CLSTN2: variants seen among roughly 807,000 people sequenced by gnomAD.
The protein encoded by CLSTN2 is calsyntenin-2.
A neutral mutation model predicts 101.2 loss-of-function variants in CLSTN2; 48 were observed. That is an observed-to-expected ratio of 0.47 (90% CI 0.38 to 0.60). CLSTN2 has a LOEUF of 0.60. Ranked by LOEUF, CLSTN2 falls within the 20% of genes least tolerant of loss-of-function variation. The pLI, the probability that CLSTN2 is intolerant of heterozygous loss-of-function variation, is 0.00. For missense variants in CLSTN2, 1,160 were observed against 1,238.2 expected (o/e 0.94, Z 0.95); for synonymous variants, 481 against 463.6 (o/e 1.04, Z -0.48).
intron 1 of CLSTN2, among the ~76,000 whole-genome samples, chr3:139,967,056 G>T (rs914400338): frequency 6.6e-6 from 1 of 152,200 alleles, no homozygotes; most frequent in Non-Finnish European, 1.5e-5. Context: ...TTAAGGTTAT[G>T]CCTGATAAAT....
chr3:140,080,066 T>C (rs897600550), intron 1 of CLSTN2, among the ~76,000 whole-genome samples: 16 of 152,190 alleles, frequency 1.1e-4, no homozygotes, highest in African/African-American at 3.9e-4. Context: ...GAACAAAATA[T>C]GTAATGTAGA....
intron 2 of CLSTN2, among the ~76,000 whole-genome samples, chr3:140,363,567 G>A (rs1339479484): frequency 1.3e-5 from 2 of 152,178 alleles, no homozygotes; most frequent in Non-Finnish European, 2.9e-5. Flanking sequence ...GGGTACCATG[G>A]CAGCTGACAG....
intron 1 of CLSTN2, among the ~76,000 whole-genome samples, chr3:139,953,219 T>C (rs868000738): frequency 2.0e-4 from 31 of 152,118 alleles, no homozygotes; most frequent in African/African-American, 7.0e-4. Context: ...CTCTATCATA[T>C]GGGCAGGGCA....
chr3:140,298,460 C>A (rs1460444296), intron 2 of CLSTN2, among the ~76,000 whole-genome samples: 1 of 152,196 alleles, frequency 6.6e-6, no homozygotes, highest in Non-Finnish European at 1.5e-5. Context: ...TGCTCACCAT[C>A]TAGAGAAAAA....
chr3:140,427,038 TGGTGG>T (rs2088572458), intron 5 of CLSTN2, among the ~76,000 whole-genome samples: 3 of 150,670 alleles, frequency 2.0e-5, no homozygotes, highest in African/African-American at 7.4e-5. Flanking sequence ...TAGCCAGGCA[TGGTGG>T]TGCATGCCTG....
At chr3:140,160,143 A>G (rs554820549) in intron 1 of CLSTN2, among the ~76,000 whole-genome samples, 1 of 152,240 alleles carries the variant, frequency 6.6e-6, no homozygotes. Context: ...CTGCACATAT[A>G]CCCCGTGTAT....
intron 1 of CLSTN2, among the ~76,000 whole-genome samples, chr3:140,071,962 T>A (rs1426223632): frequency 6.6e-6 from 1 of 152,246 alleles, no homozygotes; most frequent in Non-Finnish European, 1.5e-5. Context: ...TCAGATTTGC[T>A]GATTGGCAAA....
chr3:140,265,364 G>A (rs940574300), intron 2 of CLSTN2, among the ~76,000 whole-genome samples: 1 of 152,136 alleles, frequency 6.6e-6, no homozygotes. Context: ...TGGAGGCTTC[G>A]ACAGTAGTAG....
At chr3:140,101,948 T>C (rs2008973157) in intron 1 of CLSTN2, among the ~76,000 whole-genome samples, 1 of 152,108 alleles carries the variant, frequency 6.6e-6, no homozygotes, top group African/African-American at 2.4e-5. Flanking sequence ...ACAGGGATGT[T>C]TGGGGAACAT....
chr3:140,516,557 T>TTTTTTC (rs1433610076), intron 8 of CLSTN2, among the ~76,000 whole-genome samples: 1 of 151,970 alleles, frequency 6.6e-6, no homozygotes, highest in Admixed American at 6.6e-5. Flanking sequence ...GGCATTTTTT[T>TTTTTTC]TTTTCTTTTT....
intron 1 of CLSTN2, among the ~76,000 whole-genome samples, chr3:140,007,236 A>G (rs2006976443): frequency 6.6e-6 from 1 of 152,232 alleles, no homozygotes; most frequent in African/African-American, 2.4e-5. Flanking sequence ...AATAGCACTC[A>G]GAAAGCCCTG....
chr3:140,123,634 A>G (rs938585450), intron 1 of CLSTN2, among the ~76,000 whole-genome samples: 24 of 152,078 alleles, frequency 1.6e-4, no homozygotes, highest in African/African-American at 5.8e-4. Context: ...GGCTTAAATT[A>G]CTGAAATTTA....
chr3:140,509,514 T>C (rs563422980), intron 8 of CLSTN2, among the ~76,000 whole-genome samples: 1 of 152,312 alleles, frequency 6.6e-6, no homozygotes, highest in African/African-American at 2.4e-5. Context: ...GATGGACTGT[T>C]AAATGAGGCT....
chr3:140,001,824 T>C (rs115038149), intron 1 of CLSTN2, among the ~76,000 whole-genome samples: 1,716 of 152,110 alleles, frequency 0.011, 32 homozygotes, highest in African/African-American at 0.039. Flanking sequence ...TCTTCATGAG[T>C]TCAATTGTTT....
At chr3:140,322,116 A>G (rs941690235) in intron 2 of CLSTN2, among the ~76,000 whole-genome samples, 3 of 152,224 alleles carry the variant, frequency 2.0e-5, no homozygotes, top group African/African-American at 7.2e-5. Context: ...CAGTTCCAGA[A>G]CAAGCACTTT....
In CLSTN2 at chr3:140,562,209, G is replaced by A. The variant is rs534551433; in HGVS notation, c.2113G>A (p.Asp705Asn). Residue 705 changes from aspartate (D) to asparagine (N), a missense_variant, in exon 13 of 17, where the codon GAC becomes AAC. Asp to Asn is a conservative substitution (Grantham distance 23, BLOSUM62 1). Coordinates refer to ENST00000458420, the MANE Select transcript of CLSTN2 (RefSeq NM_022131.3). ...CTGTGACATTTTGGTGATCGGAGGGGACTTGGACCCAAGGCAGGAGTGCTT... is the reference window on the plus strand; with the variant it reads ...CTGTGACATTTTGGTGATCGGAGGGAACTTGGACCCAAGGCAGGAGTGCTT... ...DFCDILVIGG[D>N]LDPRQECLEL... The A allele has an allele frequency of 6.2e-7, 1 of 1,614,098 alleles. No homozygotes were observed. Among genetic ancestry groups the A allele is most frequent in the African/African-American group, 1.3e-5 (1 of 75,040 alleles).
chr3:140,202,790 A>C (rs1021476210), intron 2 of CLSTN2, among the ~76,000 whole-genome samples: 1 of 152,206 alleles, frequency 6.6e-6, no homozygotes, highest in African/African-American at 2.4e-5. Flanking sequence ...AAGTAAAGAC[A>C]GTATAGAAGG....
At chr3:140,150,095 T>C (rs530060230) in intron 1 of CLSTN2, among the ~76,000 whole-genome samples, 2 of 152,244 alleles carry the variant, frequency 1.3e-5, no homozygotes, top group South Asian at 4.1e-4. Context: ...TGGCATATTC[T>C]ACTCATGCCC....
chr3:140,356,821 T>C (rs1384792439), intron 2 of CLSTN2, among the ~76,000 whole-genome samples: 1 of 151,538 alleles, frequency 6.6e-6, no homozygotes, highest in Non-Finnish European at 1.5e-5. Context: ...CTAAATTTTG[T>C]ATTACCTTTT....
Sources: gnomAD v4.1 joint callset for allele counts (sites outside exome capture counted in the v4.1 genomes callset) on GRCh38, gnomAD v4.1.1 for gene constraint, MANE v1.5 for transcripts, NCBI Gene and HGNC (gene_info 2026-07-23, HGNC 2026-07-21) for gene names.